The following OPRM1 variants were observed in gnomAD, a reference collection of about 807,000 sequenced individuals.
The protein encoded by OPRM1 is opioid receptor mu 1.
Under a neutral mutation model 31.8 loss-of-function variants are expected in OPRM1, and 27 were observed. That is an observed-to-expected ratio of 0.85 (90% CI 0.63 to 1.17). The LOEUF is 1.17. Ranked by LOEUF, OPRM1 falls within the 50% of genes most tolerant of loss-of-function variation. OPRM1 has a pLI of 0.00. For missense variants in OPRM1, 536 were observed against 511.1 expected, an observed-to-expected ratio of 1.05 and a Z score of -0.47; for synonymous variants, 196 against 189.9, an observed-to-expected ratio of 1.03 and a Z score of -0.26.
At chr6:154,226,697 G>A (rs942240046) in intron 3 of OPRM1, among the ~76,000 whole-genome samples, 4 of 152,180 alleles carry the variant, frequency 2.6e-5, no homozygotes, top group African/African-American at 9.6e-5. Context: ...CACAGTCACA[G>A]CAAATGTTTA....
At chr6:154,173,913 A>G (rs1435251428) in intron 3 of OPRM1, among the ~76,000 whole-genome samples, 2 of 152,234 alleles carry the variant, frequency 1.3e-5, no homozygotes, top group Non-Finnish European at 2.9e-5. Flanking sequence ...TGTTAAGGGC[A>G]GTCAGAGAGA....
intron 1 of OPRM1, among the ~76,000 whole-genome samples, chr6:154,044,197 G>A (rs1441134966): frequency 6.6e-6 from 1 of 152,068 alleles, no homozygotes; most frequent in Non-Finnish European, 1.5e-5. Flanking sequence ...CTGTCACTGA[G>A]ACTACCACTA....
chr6:154,050,095 G>A (rs572267296), intron 1 of OPRM1, among the ~76,000 whole-genome samples: 40 of 152,264 alleles, frequency 2.6e-4, no homozygotes, highest in African/African-American at 8.2e-4. Flanking sequence ...TCTTCTTCAA[G>A]TATTTGGTAG....
chr6:154,135,478 TATATAGATAG>T (rs1340602587), downstream of OPRM1, among the ~76,000 whole-genome samples: 2 of 143,292 alleles, frequency 1.4e-5, no homozygotes, highest in African/African-American at 5.2e-5. Flanking sequence ...TAAAAAAAAA[TATATAGATAG>T]ATATAGATAT....
At chr6:154,018,286 G>A (rs1778129440) in intron 1 of OPRM1, among the ~76,000 whole-genome samples, 1 of 152,044 alleles carries the variant, frequency 6.6e-6, no homozygotes, top group South Asian at 2.1e-4. Context: ...CAGGCATGGT[G>A]GCTCTCACCT....
upstream of OPRM1, among the ~76,000 whole-genome samples, chr6:154,034,210 C>T (rs574955512): frequency 6.6e-6 from 1 of 152,288 alleles, no homozygotes; most frequent in South Asian, 2.1e-4. Flanking sequence ...GAGCTGTGAA[C>T]TAAATTAACC....
chr6:154,066,810 C>T (rs1785507216), intron 1 of OPRM1, among the ~76,000 whole-genome samples: 1 of 152,096 alleles, frequency 6.6e-6, no homozygotes, highest in Non-Finnish European at 1.5e-5. Context: ...TTCAATTGAC[C>T]AGCCTCCAGA....
chr6:154,199,889 G>A (rs377243222), intron 3 of OPRM1: 1 of 1,614,182 alleles, frequency 6.2e-7, no homozygotes, highest in Non-Finnish European at 8.5e-7. Context: ...TTCAGCAGCA[G>A]ACAAACTGTT....
rs770200130 is a variant in OPRM1 at position 154,159,836 on chromosome 6, A to T, written c.1164+68364A>T. On this transcript the variant is annotated intron_variant, in intron 3 of 3. Coordinates refer to the OPRM1 transcript ENST00000337049. ...AAAACCCTGACTTTGTCTCAAATGG[A>T]ATTTTCAACAGAGGGAGAAGAAGGT... 6 of 1,610,764 alleles carry T rather than the reference A, an allele frequency of 3.7e-6. No individual in the cohort carries two copies. In the South Asian group the frequency reaches 6.6e-5, roughly 18 times the overall value.
chr6:154,121,970 C>A lies in OPRM1; in HGVS notation c.*3249C>A, dbSNP rs1797324721. Among the ~76,000 whole-genome samples, 1 of 152,218 alleles carries A rather than the reference C, an allele frequency of 6.6e-6. No homozygotes were observed. The highest frequency in any genetic ancestry group is 6.5e-5 in the Admixed American group (1 of 15,268). On this transcript the variant is annotated 3_prime_UTR_variant, in exon 4 of 4. Coordinates refer to ENST00000330432, the MANE Select transcript of OPRM1 (RefSeq NM_000914.5). ...ATAAAGATAATCAGTTTTATACAGA[C>A]ATATTCTCCATCTACTGGCAATTAC...
At chr6:154,063,439 T>C (rs1057280654) in intron 1 of OPRM1, among the ~76,000 whole-genome samples, 10 of 152,032 alleles carry the variant, frequency 6.6e-5, no homozygotes, top group African/African-American at 2.4e-4. Flanking sequence ...TGAATTTAAA[T>C]TCTGCCTCTG....
rs548527660 is a variant in OPRM1, at chr6:154,094,629, A to G, written c.1164+3157A>G. On this transcript the variant is annotated intron_variant, in intron 3 of 3. Coordinates refer to ENST00000330432, the MANE Select transcript of OPRM1 (RefSeq NM_000914.5). ...TCCACATGGACTCTTACCGTCTAGC[A>G]TGTTACCCCAGCCTTGTTCTCATGG... Among the ~76,000 whole-genome samples, 596 of 152,262 alleles carry G rather than the reference A, an allele frequency of 3.9e-3. 1 individual carries two copies. Among genetic ancestry groups the G allele is most frequent in the Non-Finnish European group, 7.2e-3 (490 of 68,014 alleles).
intron 3 of OPRM1, among the ~76,000 whole-genome samples, chr6:154,142,240 C>A (rs1304625067): frequency 1.9e-5 from 1 of 53,122 alleles, no homozygotes; most frequent in Non-Finnish European, 4.4e-5. Context: ...TGTCACACTG[C>A]CCCTCTAAAA....
intron 3 of OPRM1, among the ~76,000 whole-genome samples, chr6:154,216,144 A>T (rs1381741642): frequency 2.6e-5 from 4 of 152,180 alleles, no homozygotes; most frequent in Admixed American, 6.5e-5. Flanking sequence ...ATAGAAACAC[A>T]CTTTCATATA....
chr6:154,182,378 T>C (rs11965988), intron 3 of OPRM1, among the ~76,000 whole-genome samples: 13,652 of 152,248 alleles, frequency 0.09, 891 homozygotes, highest in African/African-American at 0.18. Flanking sequence ...TGTTTTGCTG[T>C]TGTTATTATT....
intron 3 of OPRM1, among the ~76,000 whole-genome samples, chr6:154,162,743 C>T (rs1301538776): frequency 6.6e-6 from 1 of 152,164 alleles, no homozygotes; most frequent in Non-Finnish European, 1.5e-5. Flanking sequence ...AAATCTCTCC[C>T]ACTCTCCTAT....
chr6:154,153,280 C>T (rs558830412), intron 3 of OPRM1, among the ~76,000 whole-genome samples: 1 of 152,306 alleles, frequency 6.6e-6, no homozygotes, highest in South Asian at 2.1e-4. Context: ...GTCCTAATCA[C>T]TGGAACCTGT....
At chr6:154,044,218 A>G (rs531080409) in intron 1 of OPRM1, among the ~76,000 whole-genome samples, 1 of 152,240 alleles carries the variant, frequency 6.6e-6, no homozygotes, top group African/African-American at 2.4e-5. Flanking sequence ...TCATAAATTT[A>G]GTGGTGAGTT....
chr6:154,020,621 T>C (rs1258541394), intron 1 of OPRM1, among the ~76,000 whole-genome samples: 6 of 152,240 alleles, frequency 3.9e-5, no homozygotes, highest in Non-Finnish European at 8.8e-5. Flanking sequence ...GTCTTTCGGA[T>C]TATGATCGGC....
Sources: allele counts gnomAD v4.1 joint callset (sites outside exome capture counted in the v4.1 genomes callset), GRCh38; gene constraint gnomAD v4.1.1; transcripts MANE v1.5; gene names NCBI Gene and HGNC (gene_info 2026-07-23, HGNC 2026-07-21).